Variants in CHP1 observed in about 807,000 individuals in gnomAD.
The protein encoded by CHP1 is calcineurin like EF-hand protein 1, also known as calcineurin B homologous protein 1.
Under a neutral mutation model 27.4 loss-of-function variants are expected in CHP1, and 11 were observed. The observed-to-expected ratio is 0.40, with a 90% CI of 0.25 to 0.67. CHP1 has a LOEUF of 0.67. Among genes scored for constraint, CHP1 ranks in the 30% least tolerant of loss-of-function variants. The pLI, the probability that CHP1 is intolerant of heterozygous loss-of-function variation, is 0.38. For synonymous variants in CHP1, 89 were observed against 87.4 expected (o/e 1.02, Z -0.10); for missense variants, 169 against 251.3 (o/e 0.67, Z 2.22).
At chr15:41,257,029 A>G in intron 3 of CHP1, 39 bp downstream of exon 3, 2 of 1,470,228 alleles carry the variant, frequency 1.4e-6, no homozygotes, top group Non-Finnish European at 1.9e-6. Context: ...TCCTGAGGCT[A>G]TCACAACCTA....
intron 3 of CHP1, among the ~76,000 whole-genome samples, chr15:41,257,683 C>T (rs979158240): frequency 6.6e-6 from 1 of 151,922 alleles, no homozygotes; most frequent in Non-Finnish European, 1.5e-5. Context: ...CCTCAGCCTC[C>T]GAGATAGTTG....
intron 4 of CHP1, among the ~76,000 whole-genome samples, chr15:41,266,557 C>T (rs927840574): frequency 8.6e-5 from 13 of 152,018 alleles, no homozygotes; most frequent in South Asian, 2.1e-4. Context: ...GGAGTATAGG[C>T]GGAGTAGAGC....
intron 1 of CHP1, among the ~76,000 whole-genome samples, chr15:41,233,862 C>G (rs1382501693): frequency 6.6e-6 from 1 of 152,122 alleles, no homozygotes; most frequent in East Asian, 1.9e-4. Context: ...GAGATCTCCC[C>G]CTAAGCCTGC....
intron 2 of CHP1, among the ~76,000 whole-genome samples, chr15:41,249,878 G>C (rs2140929372): frequency 6.7e-6 from 1 of 149,016 alleles, no homozygotes; most frequent in African/African-American, 2.5e-5. Context: ...CTCCATGTCT[G>C]GGCCTGAAGC....
At chr15:41,270,409 T>C (rs1033248005) in intron 4 of CHP1, 148 bp from the exon 5 acceptor site, 24 of 623,824 alleles carry the variant, frequency 3.8e-5, no homozygotes, top group African/African-American at 3.1e-4. Flanking sequence ...GTTACAACTT[T>C]TTAAAAGCCC....
intron 1 of CHP1, among the ~76,000 whole-genome samples, chr15:41,233,960 A>G (rs184876354): frequency 3.3e-5 from 5 of 150,276 alleles, no homozygotes; most frequent in African/African-American, 1.2e-4. Flanking sequence ...CTTTTTCTTT[A>G]TTTTAGAGAC....
At chr15:41,234,895 AT>A (rs1338754964) in intron 1 of CHP1, among the ~76,000 whole-genome samples, 1 of 152,190 alleles carries the variant, frequency 6.6e-6, no homozygotes, top group Non-Finnish European at 1.5e-5. Flanking sequence ...AGGTGACAGC[AT>A]TTTATACTTC....
At chr15:41,260,302 T>TA (rs2047426102) in intron 3 of CHP1, among the ~76,000 whole-genome samples, 1 of 152,068 alleles carries the variant, frequency 6.6e-6, no homozygotes, top group Admixed American at 6.6e-5. Context: ...AATTATTTCT[T>TA]ACAGGGTTAT....
intron 2 of CHP1, among the ~76,000 whole-genome samples, chr15:41,250,660 C>CA (rs11288125): frequency 5.4e-4 from 67 of 124,604 alleles, no homozygotes; most frequent in Non-Finnish European, 9.2e-4. Flanking sequence ...GGTTTCTTAC[C>CA]AAAAAAAAAA....
chr15:41,257,866 T>G (rs1006576825), intron 3 of CHP1, among the ~76,000 whole-genome samples: 1 of 152,184 alleles, frequency 6.6e-6, no homozygotes, highest in African/African-American at 2.4e-5. Flanking sequence ...AGCCTACATT[T>G]TTTCATAATA....
At chr15:41,262,627 G>T (rs904251422) in intron 3 of CHP1, 129 bp from the exon 4 acceptor site, 4 of 1,188,380 alleles carry the variant, frequency 3.4e-6, no homozygotes, top group Non-Finnish European at 3.6e-6. Context: ...AGTACCATGC[G>T]TATGGAAAGA....
chr15:41,270,443 G>A, intron 4 of CHP1, 114 bp from the exon 5 acceptor site: 1 of 766,470 alleles, frequency 1.3e-6, no homozygotes. Context: ...AATTGTTCTT[G>A]GAAAATCGAT....
At chr15:41,247,620 C>T (rs1449705727) in intron 2 of CHP1, among the ~76,000 whole-genome samples, 2 of 151,216 alleles carry the variant, frequency 1.3e-5, no homozygotes, top group Admixed American at 6.6e-5. Context: ...TGCAGTGAGC[C>T]GAGATCGTGC....
intron 1 of CHP1, among the ~76,000 whole-genome samples, chr15:41,239,241 T>C (rs1430086262): frequency 6.6e-6 from 1 of 152,136 alleles, no homozygotes; most frequent in Non-Finnish European, 1.5e-5. Flanking sequence ...TATGACCATA[T>C]TGATTAGTAT....
At chr15:41,264,085 T>C in intron 4 of CHP1, 1 of 721,188 alleles carries the variant, frequency 1.4e-6, no homozygotes, top group Non-Finnish European at 2.1e-6. Context: ...TCATAGTCTG[T>C]TTTATCCTAA....
At chr15:41,275,730 C>T (rs1411572185) in intron 5 of CHP1, among the ~76,000 whole-genome samples, 1 of 152,024 alleles carries the variant, frequency 6.6e-6, no homozygotes, top group Non-Finnish European at 1.5e-5. Context: ...CACTACCACA[C>T]CTGGCTTGTA....
intron 2 of CHP1, among the ~76,000 whole-genome samples, chr15:41,245,952 C>G (rs144513746): frequency 8.1e-4 from 123 of 152,134 alleles, no homozygotes; most frequent in Middle Eastern, 3.4e-3. Flanking sequence ...ATATTAAGGT[C>G]TTTTGATTTA....
chr15:41,258,480 C>T (rs1180299078), intron 3 of CHP1, among the ~76,000 whole-genome samples: 2 of 152,206 alleles, frequency 1.3e-5, no homozygotes, highest in African/African-American at 4.8e-5. Flanking sequence ...TAGTCTGGGT[C>T]AGTTGTCATG....
chr15:41,266,548 G>A (rs892839680), intron 4 of CHP1, among the ~76,000 whole-genome samples: 9 of 152,136 alleles, frequency 5.9e-5, no homozygotes, highest in African/African-American at 2.2e-4. Flanking sequence ...GGGTGTTGAG[G>A]AGTATAGGCG....
Sources: gnomAD v4.1 joint callset for allele counts (sites outside exome capture counted in the v4.1 genomes callset) on GRCh38, gnomAD v4.1.1 for gene constraint, MANE v1.5 for transcripts, NCBI Gene and HGNC (gene_info 2026-07-23, HGNC 2026-07-21) for gene names.